PPP4R3A: variants seen among roughly 807,000 people sequenced by gnomAD.
PPP4R3A encodes serine/threonine-protein phosphatase 4 regulatory subunit 3A.
Under a neutral mutation model 91.7 loss-of-function variants are expected in PPP4R3A, and 15 were observed. The ratio of observed to expected loss-of-function variants is 0.16; its 90% CI spans 0.11 to 0.25. PPP4R3A has a LOEUF of 0.25. Ranked by LOEUF, PPP4R3A falls within the 10% of genes least tolerant of loss-of-function variation. The pLI is 1.00. For synonymous variants in PPP4R3A, 377 were observed against 348.7 expected, an observed-to-expected ratio of 1.08 and a Z score of -0.91; for missense variants, 623 against 998.4, an observed-to-expected ratio of 0.62 and a Z score of 5.07.
chr14:91,507,303 A>G (rs1310672905), intron 1 of PPP4R3A, among the ~76,000 whole-genome samples: 1 of 148,560 alleles, frequency 6.7e-6, no homozygotes, highest in Non-Finnish European at 1.5e-5. Context: ...CCTGGGAGAC[A>G]AGAGCAAAAC....
chr14:91,471,357 A>G (rs1477358751), intron 9 of PPP4R3A, among the ~76,000 whole-genome samples: 1 of 152,216 alleles, frequency 6.6e-6, no homozygotes, highest in African/African-American at 2.4e-5. Context: ...CAACAGATAT[A>G]GCATATGAGG....
At chr14:91,475,782 T>A in intron 7 of PPP4R3A, 29 bp downstream of exon 7, 1 of 1,578,348 alleles carries the variant, frequency 6.3e-7, no homozygotes, top group Non-Finnish European at 8.7e-7. Context: ...TATGTATAAA[T>A]ACTTACTATT....
chr14:91,502,488 A>C (rs1891028624), intron 1 of PPP4R3A, among the ~76,000 whole-genome samples: 1 of 152,176 alleles, frequency 6.6e-6, no homozygotes, highest in African/African-American at 2.4e-5. Flanking sequence ...CTTCTTGATA[A>C]ATATACAGAA....
At chr14:91,483,507 C>T (rs948102655) in intron 3 of PPP4R3A, among the ~76,000 whole-genome samples, 3 of 152,140 alleles carry the variant, frequency 2.0e-5, no homozygotes, top group African/African-American at 4.8e-5. Context: ...GTTCCTGATA[C>T]CCAAACTATG....
In PPP4R3A at chr14:91,473,271, C is replaced by T. The variant is rs1292921882; in HGVS notation, c.1366G>A (p.Val456Ile). The change falls in exon 8 of 15, where the codon GTT becomes ATT. Residue 456 changes from valine (V) to isoleucine (I), a missense_variant. Coordinates refer to ENST00000554943, the MANE Select transcript of PPP4R3A (RefSeq NM_001366432.2). ...VQLMGLLRTLVDPENMLATAN... is the reference protein window; with the variant it reads ...VQLMGLLRTLIDPENMLATAN... ...GTGGCTAGCATGTTCTCTGGGTCAA[C>T]TAAAGTTCGAAGCAGGCCCATAAGC... is the stretch of plus-strand genomic sequence containing the variant. 1.9e-6 allele frequency: 3 copies of T among 1,613,930 alleles called. No individual in the cohort carries two copies. The highest frequency in any genetic ancestry group is 2.2e-5 in the East Asian group (1 of 44,882).
intron 3 of PPP4R3A, among the ~76,000 whole-genome samples, chr14:91,484,140 G>GA (rs771559848): frequency 1.6e-4 from 24 of 152,238 alleles, no homozygotes; most frequent in Non-Finnish European, 3.1e-4. Flanking sequence ...GGAAAGCAAA[G>GA]AAAAACTAAA....
chr14:91,504,047 G>T (rs546975915), intron 1 of PPP4R3A, among the ~76,000 whole-genome samples: 1 of 152,122 alleles, frequency 6.6e-6, no homozygotes, highest in Non-Finnish European at 1.5e-5. Context: ...GGGCAATACA[G>T]TGAGAACCTT....
intron 1 of PPP4R3A, among the ~76,000 whole-genome samples, chr14:91,508,638 T>C (rs1425730673): frequency 2.0e-5 from 3 of 152,134 alleles, no homozygotes; most frequent in Non-Finnish European, 4.4e-5. Flanking sequence ...TTTTAAAATA[T>C]GAAACAGCAC....
At chr14:91,493,249 C>T (rs1890336140) in intron 1 of PPP4R3A, among the ~76,000 whole-genome samples, 2 of 143,808 alleles carry the variant, frequency 1.4e-5, no homozygotes. Flanking sequence ...ATTAGCCGGG[C>T]ATGGTTGCTG....
At chr14:91,465,182 T>C (rs1888401675) in intron 11 of PPP4R3A, 68 bp downstream of exon 11, 4 of 1,197,704 alleles carry the variant, frequency 3.3e-6, no homozygotes, top group East Asian at 5.4e-5. Flanking sequence ...GCCAAAATAC[T>C]AGGTAATGCA....
chr14:91,496,574 G>A (rs987544670), intron 1 of PPP4R3A, among the ~76,000 whole-genome samples: 12 of 152,138 alleles, frequency 7.9e-5, no homozygotes, highest in African/African-American at 2.4e-4. Context: ...AAGGTTTGAC[G>A]TACTCCCTTC....
In PPP4R3A at chr14:91,490,723, T is replaced by C; in HGVS notation, c.198+24A>G. Reference sequence around the variant, plus strand: ...TTACTCAAAAGGAAAATATGCAAGATAAAACACATCTTCAAAATTTTACCT... The same window carrying C: ...TTACTCAAAAGGAAAATATGCAAGACAAAACACATCTTCAAAATTTTACCT... On this transcript the variant is annotated intron_variant, in intron 2 of 14. Coordinates refer to ENST00000554943, the MANE Select transcript of PPP4R3A (RefSeq NM_001366432.2). The C allele has an allele frequency of 1.9e-6, 3 of 1,594,072 alleles. No individual in the cohort carries two copies. In the South Asian group the frequency reaches 3.4e-5, roughly 18 times the overall value.
chr14:91,501,997 C>T (rs754460929), intron 1 of PPP4R3A, among the ~76,000 whole-genome samples: 1 of 150,986 alleles, frequency 6.6e-6, no homozygotes, highest in Non-Finnish European at 1.5e-5. Flanking sequence ...GCTGGGACTA[C>T]AGGCGTGAGC....
At chr14:91,497,079 AG>A (rs1890620475) in intron 1 of PPP4R3A, among the ~76,000 whole-genome samples, 1 of 152,156 alleles carries the variant, frequency 6.6e-6, no homozygotes, top group African/African-American at 2.4e-5. Context: ...ACTTTAGGAG[AG>A]GAATTTATTA....
chr14:91,500,256 G>A (rs1039939847), intron 1 of PPP4R3A, among the ~76,000 whole-genome samples: 4 of 151,922 alleles, frequency 2.6e-5, no homozygotes, highest in African/African-American at 7.3e-5. Context: ...GCTGGAGTGC[G>A]GTGGCACGAT....
intron 11 of PPP4R3A, among the ~76,000 whole-genome samples, 185 bp downstream of exon 11, chr14:91,465,065 A>G (rs1416979437): frequency 6.6e-6 from 1 of 151,916 alleles, no homozygotes; most frequent in Non-Finnish European, 1.5e-5. Flanking sequence ...CCCCTGCTAT[A>G]ACAGATTTGT....
intron 9 of PPP4R3A, among the ~76,000 whole-genome samples, chr14:91,471,485 T>C (rs988577195): frequency 1.3e-5 from 2 of 152,228 alleles, no homozygotes; most frequent in Admixed American, 6.5e-5. Flanking sequence ...ATTATAATCA[T>C]TGACTTATCT....
intron 4 of PPP4R3A, among the ~76,000 whole-genome samples, chr14:91,479,439 C>G (rs966932987): frequency 2.0e-5 from 3 of 151,702 alleles, no homozygotes; most frequent in African/African-American, 7.3e-5. Context: ...ATGATCATTG[C>G]TCACTGCAGA....
At position 91,509,502 on chromosome 14, in the gene PPP4R3A, T is replaced by C. The variant is rs79621581; in HGVS notation, c.142+4A>G. The C allele has an allele frequency of 5.3e-3, 8,475 of 1,585,794 alleles. 26 individuals carry two copies. The highest frequency in any genetic ancestry group is 6.6e-3 in the Non-Finnish European group (7,718 of 1,171,978). On this transcript the variant is annotated splice_donor_region_variant and intron_variant, in intron 1 of 14. Transcript: ENST00000554943. ...AGGGTCCCGCCGCGCGGGGCTTCAC[T>C]TACCGTCGCTCTCAGCCCTGACAAG...
Sources: gnomAD v4.1 joint callset for allele counts (sites outside exome capture counted in the v4.1 genomes callset) on GRCh38, gnomAD v4.1.1 for gene constraint, MANE v1.5 for transcripts, NCBI Gene and HGNC (gene_info 2026-07-23, HGNC 2026-07-21) for gene names.